The following TACR3 variants were observed in gnomAD, a reference collection of about 807,000 sequenced individuals.
The protein encoded by TACR3 is tachykinin receptor 3.
Under a neutral mutation model 35.0 loss-of-function variants are expected in TACR3, and 34 were observed. The observed-to-expected ratio is 0.97, with a 90% CI of 0.74 to 1.30. The LOEUF (loss-of-function observed/expected upper bound fraction) is 1.30. Among genes scored for constraint, TACR3 ranks in the 50% most tolerant of loss-of-function variants. The pLI is 0.00. For synonymous variants in TACR3, 233 were observed against 221.1 expected (o/e 1.05, Z -0.48); for missense variants, 558 against 591.7 (o/e 0.94, Z 0.59).
intron 3 of TACR3, among the ~76,000 whole-genome samples, chr4:103,595,991 A>G (rs142914248): frequency 0.035 from 5,153 of 149,164 alleles, 329 homozygotes; most frequent in African/African-American, 0.12. Flanking sequence ...ATGAGTGAGA[A>G]TATGTGGTGT....
At chr4:103,628,177 C>T (rs1423259516) in intron 3 of TACR3, among the ~76,000 whole-genome samples, 3 of 152,170 alleles carry the variant, frequency 2.0e-5, no homozygotes, top group African/African-American at 7.2e-5. Flanking sequence ...GCACTAAATG[C>T]CCACAAGAGA....
intron 1 of TACR3, among the ~76,000 whole-genome samples, chr4:103,715,405 G>T (rs1429483511): frequency 6.6e-6 from 1 of 152,172 alleles, no homozygotes; most frequent in Non-Finnish European, 1.5e-5. Flanking sequence ...TAAGACTACT[G>T]CTCCTGCTTT....
At position 103,587,315 on chromosome 4, in the gene TACR3, C is replaced by T. The variant is rs1723787700; in HGVS notation, c.*2367G>A. 1 of 151,914 alleles carries T rather than the reference C, an allele frequency of 6.6e-6. No individual in the cohort carries two copies. Among genetic ancestry groups the T allele is most frequent in the African/African-American group, 2.4e-5 (1 of 41,364 alleles). The allele number at this position is 151,914 out of a possible 1,614,324, so 9.4% of individuals were successfully genotyped here. On this transcript the variant is annotated 3_prime_UTR_variant, in exon 5 of 5. Transcript: ENST00000304883. ...CTTAAAAAATTCTGCCTATAGGTCTCAGTTTAAGGGCCATGAGTAGTGAGT... is the reference window on the plus strand; with the variant it reads ...CTTAAAAAATTCTGCCTATAGGTCTTAGTTTAAGGGCCATGAGTAGTGAGT...
At chr4:103,629,960 C>CA (rs1373493616) in intron 3 of TACR3, among the ~76,000 whole-genome samples, 2 of 151,444 alleles carry the variant, frequency 1.3e-5, no homozygotes, top group Non-Finnish European at 2.9e-5. Flanking sequence ...CTACCATAGC[C>CA]AAAACAGCAT....
At chr4:103,673,047 A>G (rs1367132386) in intron 1 of TACR3, among the ~76,000 whole-genome samples, 1 of 152,154 alleles carries the variant, frequency 6.6e-6, no homozygotes, top group Non-Finnish European at 1.5e-5. Context: ...GAGCTTTTAT[A>G]GCATTGAAAA....
chr4:103,675,765 C>T (rs935265427), intron 1 of TACR3, among the ~76,000 whole-genome samples: 23 of 152,078 alleles, frequency 1.5e-4, no homozygotes, highest in Non-Finnish European at 4.4e-5. Context: ...CCCATTTCCT[C>T]CATGTGTCTC....
intron 1 of TACR3, among the ~76,000 whole-genome samples, chr4:103,700,145 C>T (rs77639727): frequency 0.12 from 18,046 of 152,122 alleles, 1,475 homozygotes; most frequent in East Asian, 0.43. Context: ...AAAAACACAA[C>T]TCCTGATTTG....
chr4:103,699,348 C>T (rs370792699), intron 1 of TACR3, among the ~76,000 whole-genome samples: 93 of 152,132 alleles, frequency 6.1e-4, no homozygotes, highest in African/African-American at 1.8e-3. Flanking sequence ...ACAGTGATGG[C>T]GGAGCACAGT....
At chr4:103,606,144 G>A (rs1286046958) in intron 3 of TACR3, among the ~76,000 whole-genome samples, 2 of 151,386 alleles carry the variant, frequency 1.3e-5, no homozygotes, top group African/African-American at 2.4e-5. Flanking sequence ...TAGATATGTG[G>A]CATTATTTCT....
At chr4:103,673,426 T>C (rs1234090097) in intron 1 of TACR3, among the ~76,000 whole-genome samples, 1 of 152,076 alleles carries the variant, frequency 6.6e-6, no homozygotes, top group African/African-American at 2.4e-5. Flanking sequence ...TGTTATATGT[T>C]AGGAAATAGG....
At chr4:103,701,137 T>C (rs1722640178) in intron 1 of TACR3, among the ~76,000 whole-genome samples, 1 of 152,128 alleles carries the variant, frequency 6.6e-6, no homozygotes, top group Non-Finnish European at 1.5e-5. Flanking sequence ...CATGATTGTA[T>C]ATCTAGAAAA....
intron 1 of TACR3, among the ~76,000 whole-genome samples, chr4:103,709,634 A>G (rs1263419287): frequency 6.6e-6 from 1 of 152,228 alleles, no homozygotes; most frequent in Non-Finnish European, 1.5e-5. Context: ...TCATAATGAC[A>G]GGATCAAATT....
chr4:103,650,687 T>C (rs1381465512), intron 3 of TACR3, among the ~76,000 whole-genome samples: 1 of 7,890 alleles, frequency 1.3e-4, no homozygotes, highest in Non-Finnish European at 1.7e-4. Flanking sequence ...TTATATCATA[T>C]ATAATATATA....
chr4:103,690,723 G>A (rs990098777), intron 1 of TACR3, among the ~76,000 whole-genome samples: 1 of 152,016 alleles, frequency 6.6e-6, no homozygotes, highest in Admixed American at 6.6e-5. Flanking sequence ...GGCTTGTCTA[G>A]GCTATAAAAT....
chr4:103,599,029 G>A (rs888068551), intron 3 of TACR3, among the ~76,000 whole-genome samples: 6 of 152,210 alleles, frequency 3.9e-5, no homozygotes, highest in Middle Eastern at 3.4e-3. Flanking sequence ...CATTGAATCT[G>A]TAAATTACCT....
At chr4:103,647,080 T>C (rs982917043) in intron 3 of TACR3, among the ~76,000 whole-genome samples, 1 of 151,930 alleles carries the variant, frequency 6.6e-6, no homozygotes, top group Admixed American at 6.6e-5. Flanking sequence ...TAGATTCTTA[T>C]CAGATCTATC....
chr4:103,610,377 T>C (rs997279017), intron 3 of TACR3, among the ~76,000 whole-genome samples: 3 of 152,138 alleles, frequency 2.0e-5, no homozygotes, highest in Admixed American at 6.5e-5. Flanking sequence ...TAATTAGTGA[T>C]GTTGAGCATT....
At chr4:103,641,437 A>G (rs1461480928) in intron 3 of TACR3, among the ~76,000 whole-genome samples, 1 of 152,114 alleles carries the variant, frequency 6.6e-6, no homozygotes, top group East Asian at 1.9e-4. Context: ...ATTACCTCAC[A>G]CCTGTTAGAA....
chr4:103,665,114 A>C (rs1323304222), intron 1 of TACR3, among the ~76,000 whole-genome samples: 1 of 151,982 alleles, frequency 6.6e-6, no homozygotes, highest in African/African-American at 2.4e-5. Flanking sequence ...AACCCGGCCC[A>C]TAACTGTCTT....
Sources: gnomAD v4.1 joint callset for allele counts (sites outside exome capture counted in the v4.1 genomes callset) on GRCh38, gnomAD v4.1.1 for gene constraint, MANE v1.5 for transcripts, NCBI Gene and HGNC (gene_info 2026-07-23, HGNC 2026-07-21) for gene names.